Variants in SEL1L3 observed in about 807,000 individuals in gnomAD.
The protein encoded by SEL1L3 is protein sel-1 homolog 3.
Under a neutral mutation model 142.8 loss-of-function variants are expected in SEL1L3, and 76 were observed. The ratio of observed to expected loss-of-function variants is 0.53; its 90% CI spans 0.44 to 0.64. The LOEUF is 0.64. Among genes scored for constraint, SEL1L3 ranks in the 30% least tolerant of loss-of-function variants. The pLI, the probability that SEL1L3 is intolerant of heterozygous loss-of-function variation, is 0.00. For missense variants in SEL1L3, 1,262 were observed against 1,381.7 expected, an observed-to-expected ratio of 0.91 and a Z score of 1.37; for synonymous variants, 504 against 519.6, an observed-to-expected ratio of 0.97 and a Z score of 0.41.
chr4:25,746,541 T>TA (rs1203314432), downstream of SEL1L3, among the ~76,000 whole-genome samples: 21 of 77,338 alleles, frequency 2.7e-4, no homozygotes, highest in African/African-American at 8.4e-4. Context: ...AATATATATA[T>TA]TCAAATGTAT....
Position 25,822,111 on chromosome 4 carries a change from T to G in SEL1L3, c.1175A>C (p.His392Pro), listed in dbSNP as rs1714802596. ...NQTISFREDFHYNDTAGYFII... is the reference protein window; with the variant it reads ...NQTISFREDFPYNDTAGYFII... ...GAAGTACCCAGCTGTGTCATTATAA[T>G]GGAAATCCTCCCGGAAGCTAGAGAA... The change falls in exon 7 of 24, where the codon CAT (histidine) becomes CCT (proline). Residue 392 changes from histidine (H) to proline (P), a missense_variant. His to Pro is a moderately conservative substitution (Grantham distance 77). This residue lies in a region of SEL1L3 where 689 missense variants were observed against 692.8 expected (regional missense o/e 0.99). Coordinates refer to ENST00000399878, the MANE Select transcript of SEL1L3 (RefSeq NM_015187.5). The G allele has an allele frequency of 6.2e-7, 1 of 1,613,978 alleles. No individual in the cohort carries two copies. The highest frequency in any genetic ancestry group is 8.5e-7 in the Non-Finnish European group (1 of 1,179,864).
chr4:25,756,016 C>T (rs1577556326), intron 23 of SEL1L3: 3 of 985,402 alleles, frequency 3.0e-6, no homozygotes, highest in African/African-American at 1.7e-5. Context: ...CCTTGTTAAC[C>T]TCCTCAGGTA....
chr4:25,797,338 G>A (rs1031682724), intron 11 of SEL1L3, among the ~76,000 whole-genome samples: 2 of 152,190 alleles, frequency 1.3e-5, no homozygotes, highest in Non-Finnish European at 2.9e-5. Flanking sequence ...TGTGGAGCCT[G>A]CACTTCAACC....
chr4:25,741,799 T>C, the SEL1L3 span, among the ~76,000 whole-genome samples: 1 of 150,972 alleles, frequency 6.6e-6, no homozygotes, highest in South Asian at 2.1e-4. Context: ...TACATTTTCT[T>C]TGATTTATTA....
chr4:25,846,425 G>A (rs1284143011), intron 2 of SEL1L3, among the ~76,000 whole-genome samples: 1 of 152,170 alleles, frequency 6.6e-6, no homozygotes, highest in Non-Finnish European at 1.5e-5. Context: ...TGCTCTGAAG[G>A]AACTGCTTGT....
At chr4:25,851,829 C>A (rs1246946223) in intron 1 of SEL1L3, among the ~76,000 whole-genome samples, 3 of 143,126 alleles carry the variant, frequency 2.1e-5, no homozygotes, top group Non-Finnish European at 4.5e-5. Context: ...GCAGAGGTTG[C>A]AGTGAGCCGA....
At chr4:25,756,769 C>G in intron 23 of SEL1L3, 2 of 1,169,172 alleles carry the variant, frequency 1.7e-6, no homozygotes, top group Non-Finnish European at 2.2e-6. Flanking sequence ...CCCTCTGAGT[C>G]CGTGTGGCCG....
chr4:25,848,551 G>A (rs2109311153), intron 1 of SEL1L3, among the ~76,000 whole-genome samples: 1 of 152,340 alleles, frequency 6.6e-6, no homozygotes, highest in South Asian at 2.1e-4. Flanking sequence ...TGAAATCAAT[G>A]CAAGGTTTTG....
Position 25,822,038 on chromosome 4 carries a change from T to TC in SEL1L3, c.1247dup (p.Pro417ThrfsTer17). The stretch of plus-strand genomic sequence containing the variant: ...TGCGAAGGCGATAGTACTTCAGGGG[T>TC]CCAAAAAACCCTTCAATGCCAGCCA... On this transcript the variant is annotated frameshift_variant, in exon 7 of 24. Transcript: ENST00000399878. LOFTEE classifies it high-confidence loss of function. 6.2e-7 allele frequency: 1 copy of TC among 1,613,636 alleles called. No homozygotes were observed. Among genetic ancestry groups the TC allele is most frequent in the Non-Finnish European group, 8.5e-7 (1 of 1,179,836 alleles).
intron 23 of SEL1L3, chr4:25,755,880 C>T (rs996796253): frequency 1.0e-6 from 1 of 984,836 alleles, no homozygotes; most frequent in Non-Finnish European, 1.2e-6. Flanking sequence ...AAATGGAAAA[C>T]ACTGACAAGA....
the SEL1L3 span, among the ~76,000 whole-genome samples, chr4:25,715,597 G>A: frequency 2.6e-5 from 4 of 151,978 alleles, no homozygotes; most frequent in East Asian, 3.9e-4. Context: ...CTACACACGC[G>A]TGTGCCATGA....
the SEL1L3 span, among the ~76,000 whole-genome samples, chr4:25,727,199 T>TGC: frequency 6.6e-6 from 1 of 151,156 alleles, no homozygotes; most frequent in African/African-American, 2.4e-5. Flanking sequence ...ACTACAGGCC[T>TGC]GTGCCACTAC....
At chr4:25,821,784 G>A (rs899817408) in intron 7 of SEL1L3, among the ~76,000 whole-genome samples, 2 of 152,150 alleles carry the variant, frequency 1.3e-5, no homozygotes, top group African/African-American at 4.8e-5. Context: ...GAAGTCAATG[G>A]TTTCCATTTT....
chr4:25,748,543 G>A lies in SEL1L3; in HGVS notation c.3281C>T (p.Pro1094Leu). 6.2e-7 allele frequency: 1 copy of A among 1,611,192 alleles called. No individual in the cohort carries two copies. ...SVSASDPPPR[P>L]SQASPDTATS... ...GGCAGTGTCTGGGGAGGCCTGGGAT[G>A]GTCTTGGAGGGGGATCGCTTGCTGC... The change falls in exon 24 of 24, where the codon CCA becomes CTA. Residue 1094 changes from proline (P) to leucine (L), a missense_variant. Physicochemically the swap from Pro to Leu is moderately conservative, Grantham distance 98 (BLOSUM62 -3). This residue lies in a region of SEL1L3 where 138 missense variants were observed against 129.7 expected (regional missense o/e 1.06). Transcript: ENST00000399878.
intron 1 of SEL1L3, among the ~76,000 whole-genome samples, chr4:25,853,657 T>G (rs1249163508): frequency 6.7e-6 from 1 of 150,262 alleles, no homozygotes; most frequent in Non-Finnish European, 1.5e-5. Flanking sequence ...ATGCCTGCTC[T>G]TCTTACCTTT....
At chr4:25,756,074 C>T (rs1717937063) in intron 23 of SEL1L3, 2 of 985,288 alleles carry the variant, frequency 2.0e-6, no homozygotes, top group Admixed American at 1.2e-4. Context: ...CAGTGACTTC[C>T]TTCTCACCGT....
At chr4:25,841,902 G>C (rs1006336184) in intron 2 of SEL1L3, among the ~76,000 whole-genome samples, 5 of 152,222 alleles carry the variant, frequency 3.3e-5, no homozygotes, top group African/African-American at 1.2e-4. Flanking sequence ...GGAGGGTGCA[G>C]TGAGCTGAGA....
In SEL1L3 at chr4:25,835,880, C is replaced by T. The variant is rs995772044; in HGVS notation, c.734-557G>A. On this transcript the variant is annotated intron_variant, in intron 2 of 23. Coordinates refer to ENST00000399878, the MANE Select transcript of SEL1L3 (RefSeq NM_015187.5). The stretch of plus-strand genomic sequence containing the variant: ...TAGTGTACACCGGCAATATGCTAAG[C>T]CCAATTCAGGGATAATCTCACTTCA... 3.3e-5 allele frequency among the ~76,000 whole-genome samples: 5 copies of T among 152,300 alleles called. No homozygotes were observed. The East Asian group carries it at 9.6e-4, about 29-fold the overall frequency.
intron 21 of SEL1L3, 149 bp downstream of exon 21, chr4:25,758,792 G>A (rs1457446054): frequency 5.0e-6 from 4 of 794,698 alleles, no homozygotes; most frequent in Non-Finnish European, 5.5e-6. Flanking sequence ...GGGATTACAA[G>A]TATGAGCCAC....
Sources: gnomAD v4.1 joint callset for allele counts (sites outside exome capture counted in the v4.1 genomes callset) on GRCh38, gnomAD v4.1.1 for gene constraint, gnomAD v4.1.1 regional missense constraint, MANE v1.5 for transcripts, NCBI Gene and HGNC (gene_info 2026-07-23, HGNC 2026-07-21) for gene names.